PRKACB: variants seen among roughly 807,000 people sequenced by gnomAD.
PRKACB encodes protein kinase cAMP-activated catalytic subunit beta.
In PRKACB, 16 loss-of-function variants were observed where a neutral mutation model predicts 51.4. The observed-to-expected ratio is 0.31, with a 90% CI of 0.21 to 0.47. The LOEUF (loss-of-function observed/expected upper bound fraction) is 0.47. Ranked by LOEUF, PRKACB falls within the 20% of genes least tolerant of loss-of-function variation. The pLI, the probability that PRKACB is intolerant of heterozygous loss-of-function variation, is 1.00. For missense variants in PRKACB, 309 were observed against 464.5 expected (o/e 0.67, Z 3.08); for synonymous variants, 147 against 154.4 (o/e 0.95, Z 0.35).
In PRKACB at chr1:84,188,549, C is replaced by G. The variant is rs532541660; in HGVS notation, c.560+3367C>G. On this transcript the variant is annotated intron_variant, in intron 5 of 9. Coordinates refer to ENST00000370685, the MANE Select transcript of PRKACB (RefSeq NM_182948.4). Reference sequence around the variant, plus strand: ...GTAAAATTAGTTATTTCTATTTTATCTAGCATTTTAAGACAATAACCAGAA... The same window carrying G: ...GTAAAATTAGTTATTTCTATTTTATGTAGCATTTTAAGACAATAACCAGAA... Among the ~76,000 whole-genome samples, 132 of 151,742 alleles carry G rather than the reference C, an allele frequency of 8.7e-4. No individual in the cohort carries two copies. The South Asian group carries it at 0.012, about 13-fold the overall frequency.
Position 84,196,715 on chromosome 1 carries a change from C to T in PRKACB, c.660C>T (p.Leu220=). Residue 220 remains leucine (L), a synonymous_variant, in exon 6 of 10, where the codon CTC becomes CTT. Coordinates refer to ENST00000370685, the MANE Select transcript of PRKACB (RefSeq NM_182948.4). The part of the protein sequence containing the change: ...LIYRDLKPEN[L]LIDHQGYIQV... ...ACAGAGATCTAAAACCTGAAAATCT[C>T]TTAATTGACCATCAAGGCTATATCC... The T allele has an allele frequency of 6.2e-7, 1 of 1,612,908 alleles. No individual in the cohort carries two copies. Among genetic ancestry groups the T allele is most frequent in the Non-Finnish European group, 8.5e-7 (1 of 1,179,126 alleles).
chr1:84,102,688 C>G (rs1649442644), intron 1 of PRKACB, among the ~76,000 whole-genome samples: 1 of 152,120 alleles, frequency 6.6e-6, no homozygotes, highest in South Asian at 2.1e-4. Context: ...GGGCCCTCAC[C>G]TACTGTGGAA....
chr1:84,180,584 A>G (rs924263822), intron 2 of PRKACB, among the ~76,000 whole-genome samples: 3 of 152,036 alleles, frequency 2.0e-5, no homozygotes, highest in Non-Finnish European at 4.4e-5. Flanking sequence ...AAAGAAAAAT[A>G]AAAGATATTA....
chr1:84,164,454 A>G (rs1368416608), intron 1 of PRKACB: 1 of 1,556,496 alleles, frequency 6.4e-7, no homozygotes, highest in Admixed American at 1.9e-5. Context: ...CAATTTTTTC[A>G]TATCTTTGAA....
At chr1:84,164,594 C>G in intron 1 of PRKACB, 1 of 1,366,184 alleles carries the variant, frequency 7.3e-7, no homozygotes, top group Non-Finnish European at 9.7e-7. Context: ...GCCTTGGATA[C>G]AAGTGAACCG....
chr1:84,110,605 A>G (rs1379065152), intron 1 of PRKACB, among the ~76,000 whole-genome samples: 5 of 151,918 alleles, frequency 3.3e-5, no homozygotes, highest in African/African-American at 1.2e-4. Flanking sequence ...CCGTGGCAAA[A>G]GTCATCAATA....
intron 1 of PRKACB, among the ~76,000 whole-genome samples, chr1:84,079,929 G>A (rs1224901767): frequency 2.6e-5 from 4 of 151,836 alleles, no homozygotes; most frequent in African/African-American, 9.7e-5. Flanking sequence ...GCCTCCCAAA[G>A]TGCTGGGATT....
chr1:84,236,069 C>T lies in PRKACB; in HGVS notation c.*764C>T, dbSNP rs1676634283. On this transcript the variant is annotated 3_prime_UTR_variant, in exon 10 of 10. Coordinates refer to ENST00000370685, the MANE Select transcript of PRKACB (RefSeq NM_182948.4). ...AAAACTAATGATATGGATCATCACCCAGATTCTCTCACTTGGTACCAGCAT... is the reference window on the plus strand; with the variant it reads ...AAAACTAATGATATGGATCATCACCTAGATTCTCTCACTTGGTACCAGCAT... 6.6e-6 allele frequency: 1 copy of T among 152,608 alleles called. No homozygotes were observed. Among genetic ancestry groups the T allele is most frequent in the Non-Finnish European group, 1.5e-5 (1 of 68,032 alleles). The allele number at this position is 152,608 out of a possible 1,614,324, so 9.5% of individuals were successfully genotyped here. A position where few individuals can be genotyped will look rare whatever the true frequency, so the allele number is the denominator to read the frequency against.
chr1:84,174,990 T>C (rs748385332), intron 1 of PRKACB: 9 of 1,432,288 alleles, frequency 6.3e-6, no homozygotes. Context: ...AATATGTTAT[T>C]CATATAATTT....
At chr1:84,085,873 ACACCCAACT>A in intron 1 of PRKACB, 1 of 582,220 alleles carries the variant, frequency 1.7e-6, no homozygotes, top group Non-Finnish European at 3.2e-6. Context: ...CCTGGCTGTA[ACACCCAACT>A]CAGCCCAGAC....
chr1:84,159,692 A>G (rs950680809), intron 1 of PRKACB, among the ~76,000 whole-genome samples: 1 of 152,086 alleles, frequency 6.6e-6, no homozygotes, highest in Non-Finnish European at 1.5e-5. Context: ...TCCATCTTTC[A>G]TCATTAAATA....
chr1:84,224,734 G>A (rs1674292149), intron 9 of PRKACB, among the ~76,000 whole-genome samples: 1 of 152,154 alleles, frequency 6.6e-6, no homozygotes, highest in Non-Finnish European at 1.5e-5. Flanking sequence ...TTGAGTGCAG[G>A]CAGTCAGTGG....
chr1:84,136,821 C>T (rs1652871332), intron 1 of PRKACB, among the ~76,000 whole-genome samples: 1 of 152,110 alleles, frequency 6.6e-6, no homozygotes, highest in African/African-American at 2.4e-5. Flanking sequence ...GTGATATATC[C>T]ATTGACATGG....
chr1:84,134,149 C>T (rs7515264), intron 1 of PRKACB, among the ~76,000 whole-genome samples: 71,838 of 151,936 alleles, frequency 0.47, 17,727 homozygotes, highest in Non-Finnish European at 0.56. Flanking sequence ...TTCTCTCCAA[C>T]GTTCAGCTGC....
At chr1:84,106,454 C>T (rs1464597559) in intron 1 of PRKACB, among the ~76,000 whole-genome samples, 1 of 152,152 alleles carries the variant, frequency 6.6e-6, no homozygotes. Context: ...CATTGCTATA[C>T]ACTAACAGCA....
At chr1:84,144,588 C>A in intron 1 of PRKACB, 40 bp downstream of exon 1, 1 of 1,507,914 alleles carries the variant, frequency 6.6e-7, no homozygotes, top group Admixed American at 2.5e-5. Context: ...TAACTAGCAA[C>A]TAAAATGGTA....
At chr1:84,184,488 A>G (rs897285373) in intron 4 of PRKACB, among the ~76,000 whole-genome samples, 5 of 151,840 alleles carry the variant, frequency 3.3e-5, no homozygotes. Context: ...CCACTATCTC[A>G]TCTTCTTTTA....
intron 7 of PRKACB, among the ~76,000 whole-genome samples, chr1:84,199,505 G>A (rs115982339): frequency 0.011 from 1,702 of 152,240 alleles, 42 homozygotes; most frequent in African/African-American, 0.039. Flanking sequence ...TAGCTGCATA[G>A]TATTCCGTAG....
At chr1:84,189,357 G>A (rs1325132122) in intron 5 of PRKACB, among the ~76,000 whole-genome samples, 3 of 151,232 alleles carry the variant, frequency 2.0e-5, no homozygotes, top group African/African-American at 4.9e-5. Context: ...ATACCAAGAA[G>A]AGCCAAGAAT....
Sources: allele counts gnomAD v4.1 joint callset (sites outside exome capture counted in the v4.1 genomes callset), GRCh38; gene constraint gnomAD v4.1.1; transcripts MANE v1.5; gene names NCBI Gene and HGNC (gene_info 2026-07-23, HGNC 2026-07-21).